Variants in BAZ2B observed in about 807,000 individuals in gnomAD.
BAZ2B encodes the protein bromodomain adjacent to zinc finger domain protein 2B.
Under a neutral mutation model 246.0 loss-of-function variants are expected in BAZ2B, and 91 were observed. That is an observed-to-expected ratio of 0.37 (90% confidence interval 0.31 to 0.44). The LOEUF is 0.44. Among genes scored for constraint, BAZ2B ranks in the 20% least tolerant of loss-of-function variants. The pLI, the probability that BAZ2B is intolerant of heterozygous loss-of-function variation, is 1.00. For synonymous variants in BAZ2B, 855 were observed against 860.0 expected, an observed-to-expected ratio of 0.99 and a Z score of 0.10; for missense variants, 2,332 against 2,533.7, an observed-to-expected ratio of 0.92 and a Z score of 1.71.
Position 159,543,001 on chromosome 2 carries a change from T to C in BAZ2B, c.-3+12822A>G, listed in dbSNP as rs554059493. On this transcript the variant is annotated intron_variant, in intron 2 of 36. Transcript: ENST00000392783. ...TGTAACTCTGGGAAAATTCCTTAAC[T>C]TCCCCATAGCTCAGTTTTCCCACCT... 3.3e-5 allele frequency among the ~76,000 whole-genome samples: 5 copies of C among 152,322 alleles called. 1 individual carries two copies. In the South Asian group the frequency reaches 1.0e-3, roughly 32 times the overall value.
At chr2:159,431,432 A>G (rs2071091942) in intron 9 of BAZ2B, among the ~76,000 whole-genome samples, 1 of 152,218 alleles carries the variant, frequency 6.6e-6, no homozygotes, top group African/African-American at 2.4e-5. Flanking sequence ...TGGCATCAAA[A>G]TAATTTTTTA....
At chr2:159,520,052 G>A (rs1371190921) in intron 2 of BAZ2B, among the ~76,000 whole-genome samples, 3 of 151,888 alleles carry the variant, frequency 2.0e-5, no homozygotes, top group Non-Finnish European at 4.4e-5. Flanking sequence ...TGGTGCAGAG[G>A]AAAGACAGCA....
At chr2:159,420,556 T>C (rs1256623410) in intron 13 of BAZ2B, among the ~76,000 whole-genome samples, 1 of 152,136 alleles carries the variant, frequency 6.6e-6, no homozygotes, top group Non-Finnish European at 1.5e-5. Flanking sequence ...AGAAATAAAC[T>C]TAAGGTCTTT....
chr2:159,620,284 A>G (rs556504161), upstream of BAZ2B, among the ~76,000 whole-genome samples: 5 of 152,326 alleles, frequency 3.3e-5, 1 homozygote, highest in South Asian at 1.0e-3. Context: ...GGCCACTGTT[A>G]TATCTTGTTT....
chr2:159,669,469 C>T, the BAZ2B span, among the ~76,000 whole-genome samples: 3 of 151,990 alleles, frequency 2.0e-5, no homozygotes, highest in Non-Finnish European at 4.4e-5. Context: ...TTCAAATCTT[C>T]TATGTCTTTA....
At chr2:159,359,418 T>C (rs1004614344) in intron 27 of BAZ2B, among the ~76,000 whole-genome samples, 1 of 152,086 alleles carries the variant, frequency 6.6e-6, no homozygotes, top group Non-Finnish European at 1.5e-5. Flanking sequence ...AGAAGTCCAA[T>C]CCCTGAATAG....
intron 6 of BAZ2B, among the ~76,000 whole-genome samples, chr2:159,440,887 C>A (rs2073268590): frequency 6.6e-6 from 1 of 152,078 alleles, no homozygotes; most frequent in African/African-American, 2.4e-5. Context: ...AATAAGCAGA[C>A]TAATAGTTCC....
chr2:159,371,759 C>T (rs2060877106), intron 27 of BAZ2B, among the ~76,000 whole-genome samples: 1 of 152,188 alleles, frequency 6.6e-6, no homozygotes, highest in Admixed American at 6.5e-5. Flanking sequence ...GCAGAGATGG[C>T]CATCTGTACC....
At chr2:159,360,781 C>T (rs1445544213) in intron 27 of BAZ2B, among the ~76,000 whole-genome samples, 1 of 152,126 alleles carries the variant, frequency 6.6e-6, no homozygotes, top group Non-Finnish European at 1.5e-5. Context: ...GAACAGAGGC[C>T]TCAGAAATAA....
At chr2:159,389,689 T>C (rs568361350) in intron 20 of BAZ2B, among the ~76,000 whole-genome samples, 2 of 152,246 alleles carry the variant, frequency 1.3e-5, no homozygotes, top group South Asian at 2.1e-4. Flanking sequence ...TGTTCAATCA[T>C]TTGCCAAGTT....
intron 3 of BAZ2B, among the ~76,000 whole-genome samples, chr2:159,472,652 A>G (rs781321167): frequency 6.6e-6 from 1 of 152,232 alleles, no homozygotes; most frequent in East Asian, 1.9e-4. Context: ...ATTTGGAGAT[A>G]GGTTCCATCA....
chr2:159,660,125 C>T, the BAZ2B span, among the ~76,000 whole-genome samples: 2 of 152,156 alleles, frequency 1.3e-5, no homozygotes, highest in African/African-American at 4.8e-5. Flanking sequence ...TCATTTCTCC[C>T]CATAGTATTT....
chr2:159,477,950 G>C (rs1389571052), intron 3 of BAZ2B, among the ~76,000 whole-genome samples: 1 of 152,186 alleles, frequency 6.6e-6, no homozygotes, highest in Admixed American at 6.5e-5. Flanking sequence ...AGCTTCCTGA[G>C]TAGCCAGGAT....
intron 27 of BAZ2B, among the ~76,000 whole-genome samples, chr2:159,362,048 A>G (rs963979564): frequency 3.3e-5 from 5 of 152,150 alleles, no homozygotes; most frequent in African/African-American, 1.2e-4. Context: ...TGGCAAGTGA[A>G]TACCTATGTA....
chr2:159,536,829 CA>C (rs1202783128), intron 2 of BAZ2B, among the ~76,000 whole-genome samples: 1 of 152,034 alleles, frequency 6.6e-6, no homozygotes, highest in Non-Finnish European at 1.5e-5. Context: ...ACAAAAATTA[CA>C]AAAACAAACC....
At chr2:159,455,600 T>C (rs1427950787) in intron 3 of BAZ2B, among the ~76,000 whole-genome samples, 1 of 152,020 alleles carries the variant, frequency 6.6e-6, no homozygotes, top group Non-Finnish European at 1.5e-5. Flanking sequence ...CTCTTCTAAA[T>C]CAGCTAATCA....
intron 2 of BAZ2B, among the ~76,000 whole-genome samples, chr2:159,513,308 A>T (rs2083112953): frequency 6.6e-6 from 1 of 152,228 alleles, no homozygotes; most frequent in African/African-American, 2.4e-5. Context: ...GTAAATATGT[A>T]AAGTAGATAA....
At chr2:159,376,003 G>T (rs992948809) in intron 25 of BAZ2B, among the ~76,000 whole-genome samples, 79 of 152,140 alleles carry the variant, frequency 5.2e-4, no homozygotes, top group African/African-American at 5.1e-4. Context: ...GTAAGTAATT[G>T]TGTGAAATTT....
rs374017561 is a variant in BAZ2B, at chr2:159,446,890, G to A, written c.588C>T (p.Ser196=). 1.9e-4 allele frequency: 312 copies of A among 1,613,630 alleles called. No homozygotes were observed. The highest frequency in any genetic ancestry group is 2.5e-4 in the Non-Finnish European group (297 of 1,179,776). The change falls in exon 6 of 37, where the codon TCC becomes TCT. Residue 196 remains serine, a synonymous_variant. Coordinates refer to ENST00000392783, the MANE Select transcript of BAZ2B (RefSeq NM_013450.4). The stretch of plus-strand genomic sequence containing the variant: ...AGCTTGTACTTTTAGTTTGTCCCAT[G>A]GAACTTGAAGCAGTAGTGGATAGTA... The part of the protein sequence containing the change: ...TSVLSTTASS[S]MGQTKSTSSG...
Sources: gnomAD v4.1 joint callset for allele counts (sites outside exome capture counted in the v4.1 genomes callset) on GRCh38, gnomAD v4.1.1 for gene constraint, MANE v1.5 for transcripts, NCBI Gene and HGNC (gene_info 2026-07-23, HGNC 2026-07-21) for gene names.